Variants in NRG3 observed in about 807,000 individuals in gnomAD.
NRG3 encodes the protein pro-neuregulin-3, membrane-bound isoform.
A neutral mutation model predicts 66.9 loss-of-function variants in NRG3; 31 were observed. The ratio of observed to expected loss-of-function variants is 0.46; its 90% CI spans 0.35 to 0.63. NRG3 has a LOEUF of 0.63. NRG3 is among the 20% of genes least tolerant of loss of function. NRG3 has a pLI of 0.00. For synonymous variants in NRG3, 393 were observed against 359.4 expected (o/e 1.09, Z -1.06); for missense variants, 910 against 878.9 (o/e 1.04, Z -0.45).
At chr10:82,928,694 A>C (rs1233349292) in intron 4 of NRG3, among the ~76,000 whole-genome samples, 1 of 151,496 alleles carries the variant, frequency 6.6e-6, no homozygotes, top group Non-Finnish European at 1.5e-5. Context: ...CAAGTCTGCT[A>C]TTGTAGTACA....
At chr10:82,520,576 C>A (rs965619570) in intron 2 of NRG3, among the ~76,000 whole-genome samples, 3 of 152,146 alleles carry the variant, frequency 2.0e-5, no homozygotes, top group Non-Finnish European at 2.9e-5. Flanking sequence ...TGGTTCTGAG[C>A]TCAGCCTCAG....
chr10:82,351,636 G>A (rs982979769), intron 1 of NRG3, among the ~76,000 whole-genome samples: 1 of 152,116 alleles, frequency 6.6e-6, no homozygotes, highest in Admixed American at 6.5e-5. Flanking sequence ...AGGTATTGGG[G>A]TTTCTACATA....
intron 2 of NRG3, among the ~76,000 whole-genome samples, chr10:82,657,669 C>A (rs947758850): frequency 6.6e-6 from 1 of 151,820 alleles, no homozygotes; most frequent in Non-Finnish European, 1.5e-5. Context: ...AAAACTGTCA[C>A]AACTGTACAT....
At chr10:82,603,623 G>A (rs111250717) in intron 2 of NRG3, among the ~76,000 whole-genome samples, 3 of 152,044 alleles carry the variant, frequency 2.0e-5, no homozygotes, top group Admixed American at 1.3e-4. Flanking sequence ...GTGTGCAAGC[G>A]TAAGCTTAAG....
chr10:82,030,226 T>C (rs189865807), intron 1 of NRG3, among the ~76,000 whole-genome samples: 7 of 152,184 alleles, frequency 4.6e-5, no homozygotes, highest in Admixed American at 2.0e-4. Context: ...GGAGAGATTC[T>C]TACTTAATGA....
chr10:82,532,592 T>C (rs1020327852), intron 2 of NRG3, among the ~76,000 whole-genome samples: 1 of 148,098 alleles, frequency 6.8e-6, no homozygotes. Context: ...TATAGTACTA[T>C]ATATGTATAT....
chr10:82,247,769 T>A (rs1050089475), intron 1 of NRG3, among the ~76,000 whole-genome samples: 33 of 152,182 alleles, frequency 2.2e-4, no homozygotes, highest in African/African-American at 8.0e-4. Context: ...ACCACTTGGA[T>A]ATTTCTAGTA....
rs550106699 is a variant in NRG3 at position 82,066,059 on chromosome 10, G to A, written c.823+189896G>A. The stretch of plus-strand genomic sequence containing the variant: ...ATTATAATCATTAGAAGAAATGAAC[G>A]TGAACTAAAATGTATGTATTTTGTT... On this transcript the variant is annotated intron_variant, in intron 1 of 8. Transcript: ENST00000372141. Among the ~76,000 whole-genome samples, 27 of 152,154 alleles carry A rather than the reference G, an allele frequency of 1.8e-4. No individual in the cohort carries two copies. In the South Asian group the frequency reaches 2.9e-3, roughly 16 times the overall value.
chr10:82,180,315 G>A (rs544229795), intron 1 of NRG3, among the ~76,000 whole-genome samples: 8 of 151,836 alleles, frequency 5.3e-5, no homozygotes, highest in South Asian at 2.1e-4. Flanking sequence ...TCCTTGCCTC[G>A]TTCCTGACCT....
chr10:82,112,761 A>G (rs2067462781), intron 1 of NRG3, among the ~76,000 whole-genome samples: 1 of 152,104 alleles, frequency 6.6e-6, no homozygotes, highest in Non-Finnish European at 1.5e-5. Context: ...AATGTCACCA[A>G]CTGTAACCAT....
At chr10:82,116,040 A>T (rs192480166) in intron 1 of NRG3, among the ~76,000 whole-genome samples, 1 of 152,298 alleles carries the variant, frequency 6.6e-6, no homozygotes, top group East Asian at 1.9e-4. Flanking sequence ...ACCAGGCTAC[A>T]CTTACAAATT....
chr10:81,877,910 C>T, intron 1 of NRG3: 1 of 1,536,422 alleles, frequency 6.5e-7, no homozygotes, highest in Non-Finnish European at 8.7e-7. Context: ...ATGAGTCTAC[C>T]CTGAAGACCC....
At chr10:82,897,567 G>A (rs1423739134) in intron 4 of NRG3, among the ~76,000 whole-genome samples, 3 of 152,162 alleles carry the variant, frequency 2.0e-5, no homozygotes, top group Non-Finnish European at 4.4e-5. Flanking sequence ...CACCCAGGCT[G>A]AAGTGCAGTG....
intron 1 of NRG3, among the ~76,000 whole-genome samples, chr10:82,345,463 A>G (rs1182594037): frequency 0.01 from 1,575 of 150,428 alleles, 25 homozygotes; most frequent in African/African-American, 0.036. Context: ...TTTGGTTACT[A>G]TAGCCTTGTA....
chr10:82,032,582 T>C (rs1205951365), intron 1 of NRG3, among the ~76,000 whole-genome samples: 1 of 152,060 alleles, frequency 6.6e-6, no homozygotes, highest in Non-Finnish European at 1.5e-5. Context: ...AGAATAATGA[T>C]AAGTTAAGCA....
chr10:82,597,919 CA>C (rs113523358), intron 2 of NRG3, among the ~76,000 whole-genome samples: 76,189 of 128,366 alleles, frequency 0.59, 22,297 homozygotes, highest in African/African-American at 0.8. Flanking sequence ...GACTCCCTCT[CA>C]AAAAAAAAAA....
At chr10:82,462,854 A>G (rs1291094297) in intron 2 of NRG3, among the ~76,000 whole-genome samples, 1 of 152,202 alleles carries the variant, frequency 6.6e-6, no homozygotes, top group Non-Finnish European at 1.5e-5. Flanking sequence ...GGGTAGGCTG[A>G]TAACTGTCTT....
chr10:82,522,039 C>CTTTTT (rs71009811), intron 2 of NRG3, among the ~76,000 whole-genome samples: 9 of 97,742 alleles, frequency 9.2e-5, no homozygotes, highest in African/African-American at 1.5e-4. Context: ...CCGCTGAAGT[C>CTTTTT]TTTTTTTTTT....
chr10:82,195,237 G>A (rs1482828486), intron 1 of NRG3, among the ~76,000 whole-genome samples: 3 of 152,180 alleles, frequency 2.0e-5, no homozygotes, highest in Non-Finnish European at 4.4e-5. Flanking sequence ...AAAGAGAACA[G>A]TGTTTGCAAT....
Sources: gnomAD v4.1 joint callset for allele counts (sites outside exome capture counted in the v4.1 genomes callset) on GRCh38, gnomAD v4.1.1 for gene constraint, MANE v1.5 for transcripts, NCBI Gene and HGNC (gene_info 2026-07-23, HGNC 2026-07-21) for gene names.